PSMA1: variants seen among roughly 807,000 people sequenced by gnomAD.
PSMA1 encodes proteasome subunit alpha type-1.
Under a neutral mutation model 38.4 loss-of-function variants are expected in PSMA1, and 3 were observed. The ratio of observed to expected loss-of-function variants is 0.08; its 90% CI spans 0.04 to 0.20. The LOEUF is 0.20. Among genes scored for constraint, PSMA1 ranks in the 10% least tolerant of loss-of-function variants. The pLI is 1.00. For synonymous variants in PSMA1, 101 were observed against 107.1 expected, an observed-to-expected ratio of 0.94 and a Z score of 0.35; for missense variants, 227 against 325.3, an observed-to-expected ratio of 0.70 and a Z score of 2.32.
intron 2 of PSMA1, among the ~76,000 whole-genome samples, chr11:14,581,186 G>C (rs1852278512): frequency 6.6e-6 from 1 of 152,150 alleles, no homozygotes; most frequent in African/African-American, 2.4e-5. Flanking sequence ...GTCATTCTCA[G>C]CCAATTCTGA....
At chr11:14,523,988 T>C (rs1156323557), upstream of PSMA1, among the ~76,000 whole-genome samples, 5 of 151,496 alleles carry the variant, frequency 3.3e-5, no homozygotes, top group Non-Finnish European at 5.9e-5. Context: ...TTAAAGGTCA[T>C]TGGAAGCCAG....
At chr11:14,615,007 T>C (rs748348881) in intron 1 of PSMA1, among the ~76,000 whole-genome samples, 1 of 152,214 alleles carries the variant, frequency 6.6e-6, no homozygotes, top group Non-Finnish European at 1.5e-5. Context: ...AATCTGATCC[T>C]AACTTTTCTT....
At chr11:14,550,455 T>C (rs1238833558) in intron 2 of PSMA1, among the ~76,000 whole-genome samples, 1 of 152,200 alleles carries the variant, frequency 6.6e-6, no homozygotes, top group African/African-American at 2.4e-5. Context: ...TTTATCTTGA[T>C]AGATAAAGTT....
intron 2 of PSMA1, among the ~76,000 whole-genome samples, chr11:14,606,998 A>C (rs1852651635): frequency 6.6e-6 from 1 of 152,144 alleles, no homozygotes; most frequent in Non-Finnish European, 1.5e-5. Flanking sequence ...AAAATATATG[A>C]TATAGAGGAA....
chr11:14,634,004 C>T (rs1408987202), intron 1 of PSMA1, among the ~76,000 whole-genome samples: 9 of 152,196 alleles, frequency 5.9e-5, no homozygotes, highest in Non-Finnish European at 8.8e-5. Flanking sequence ...GGCTCGTGCA[C>T]GGTGTGCACA....
At chr11:14,519,121 T>C (rs1851482376) in intron 1 of PSMA1, 80 bp from the exon 2 acceptor site, 3 of 1,225,028 alleles carry the variant, frequency 2.4e-6, no homozygotes, top group Non-Finnish European at 3.6e-6. Context: ...AGAAATATGC[T>C]TGTATTTCCA....
At chr11:14,521,408 C>T (rs2134153607), upstream of PSMA1, among the ~76,000 whole-genome samples, 1 of 150,764 alleles carries the variant, frequency 6.6e-6, no homozygotes, top group Admixed American at 6.6e-5. Flanking sequence ...GGGAGGATCT[C>T]TTGAGCCAGG....
intron 2 of PSMA1, among the ~76,000 whole-genome samples, chr11:14,597,421 A>C (rs1471048003): frequency 6.6e-6 from 1 of 151,952 alleles, no homozygotes; most frequent in Non-Finnish European, 1.5e-5. Context: ...TCAATTTCAG[A>C]GCCTGTTATT....
chr11:14,587,254 C>T (rs546091187), intron 2 of PSMA1, among the ~76,000 whole-genome samples: 11 of 152,254 alleles, frequency 7.2e-5, no homozygotes, highest in East Asian at 3.9e-4. Flanking sequence ...GGACTGGAAA[C>T]GGGAAGAGAG....
At chr11:14,518,714 C>T (rs1238719993) in intron 2 of PSMA1, among the ~76,000 whole-genome samples, 8 of 152,158 alleles carry the variant, frequency 5.3e-5, no homozygotes, top group African/African-American at 1.9e-4. Flanking sequence ...ACCCTGGTAA[C>T]CACTGTTTTA....
rs1350705765 is a variant in PSMA1, at chr11:14,535,697, G to A, written c.22-16656C>T. 2.0e-5 allele frequency among the ~76,000 whole-genome samples: 3 copies of A among 151,598 alleles called. No individual in the cohort carries two copies. The East Asian group carries it at 5.8e-4, about 29-fold the overall frequency. ...CGATCTCAGGTGATGCGCCCACCTC[G>A]GCCTCCCAAAGTGCTGGGATTACAG... On this transcript the variant is annotated intron_variant, in intron 2 of 10. Coordinates refer to the PSMA1 transcript ENST00000418988.
upstream of PSMA1, among the ~76,000 whole-genome samples, chr11:14,522,741 T>C (rs1851543371): frequency 1.3e-5 from 2 of 152,180 alleles, no homozygotes; most frequent in African/African-American, 4.8e-5. Context: ...AGGAGCTTCC[T>C]GTAATTAGGG....
At chr11:14,510,256 A>G (rs978804271) in intron 8 of PSMA1, among the ~76,000 whole-genome samples, 2 of 151,996 alleles carry the variant, frequency 1.3e-5, no homozygotes, top group African/African-American at 2.4e-5. Context: ...TTGCATTTGT[A>G]TTTCCTAGAA....
intron 5 of PSMA1, 114 bp downstream of exon 5, chr11:14,514,289 T>C (rs1032807847): frequency 7.2e-7 from 1 of 1,397,218 alleles, no homozygotes; most frequent in African/African-American, 1.5e-5. Context: ...ATTTGTTGTT[T>C]TAAAGTTTTC....
At chr11:14,618,262 T>G (rs1852800561) in intron 1 of PSMA1, among the ~76,000 whole-genome samples, 1 of 152,234 alleles carries the variant, frequency 6.6e-6, no homozygotes, top group Admixed American at 6.5e-5. Flanking sequence ...TTTCCTTAGT[T>G]ACTGATTGAC....
chr11:14,567,284 T>A (rs975656666), intron 2 of PSMA1, among the ~76,000 whole-genome samples: 2 of 152,174 alleles, frequency 1.3e-5, no homozygotes, highest in African/African-American at 4.8e-5. Flanking sequence ...TTCTTTTCTA[T>A]TTTAGCTAGT....
intron 2 of PSMA1, among the ~76,000 whole-genome samples, chr11:14,556,034 T>C (rs776335055): frequency 3.3e-5 from 5 of 152,218 alleles, no homozygotes; most frequent in Non-Finnish European, 7.3e-5. Context: ...GGGTTGTTGC[T>C]GTCCAGGGCA....
intron 1 of PSMA1, among the ~76,000 whole-genome samples, chr11:14,519,522 T>C (rs555375429): frequency 1.3e-5 from 2 of 152,358 alleles, no homozygotes; most frequent in African/African-American, 4.8e-5. Flanking sequence ...ATTAGGGACA[T>C]GTATGACTTA....
chr11:14,548,457 T>C (rs1027483644), intron 2 of PSMA1, among the ~76,000 whole-genome samples: 4 of 152,176 alleles, frequency 2.6e-5, no homozygotes, highest in African/African-American at 9.7e-5. Flanking sequence ...TTTACATACA[T>C]ATGTATGTAT....
Sources: allele counts gnomAD v4.1 joint callset (sites outside exome capture counted in the v4.1 genomes callset), GRCh38; gene constraint gnomAD v4.1.1; transcripts MANE v1.5; gene names NCBI Gene and HGNC (gene_info 2026-07-23, HGNC 2026-07-21).